Variants in LIPA observed in about 807,000 individuals in gnomAD.
The protein encoded by LIPA is lysosomal acid lipase/cholesteryl ester hydrolase.
Under a neutral mutation model 40.6 loss-of-function variants are expected in LIPA, and 26 were observed. That is an observed-to-expected ratio of 0.64 (90% CI 0.47 to 0.89). LIPA has a LOEUF of 0.89. Ranked by LOEUF, LIPA falls within the 40% of genes least tolerant of loss-of-function variation. The pLI is 0.00. For missense variants in LIPA, 455 were observed against 479.6 expected, an observed-to-expected ratio of 0.95 and a Z score of 0.48; for synonymous variants, 188 against 168.4, an observed-to-expected ratio of 1.12 and a Z score of -0.90.
rs577045975 is a variant in LIPA, at chr10:89,365,715, C to G, written c.61+47076G>C. On this transcript the variant is annotated intron_variant, in intron 2 of 8. Coordinates refer to the LIPA transcript ENST00000371837. ...CCATTTATTAAATAGGGAATCCTTT[C>G]CCCATTGCTTGTTTTTGTCAGGTTT... Among the ~76,000 whole-genome samples the G allele has an allele frequency of 2.6e-5, 4 of 152,250 alleles. No individual in the cohort carries two copies. The East Asian group carries it at 7.7e-4, about 29-fold the overall frequency.
At chr10:89,268,432 A>C (rs1295895633) in intron 1 of LIPA, among the ~76,000 whole-genome samples, 1 of 152,208 alleles carries the variant, frequency 6.6e-6, no homozygotes, top group Non-Finnish European at 1.5e-5. Flanking sequence ...TTTTTTTTAT[A>C]AATCCAATTT....
intron 1 of LIPA, among the ~76,000 whole-genome samples, chr10:89,323,545 C>T (rs1457149226): frequency 3.3e-5 from 5 of 151,966 alleles, no homozygotes; most frequent in Admixed American, 1.3e-4. Flanking sequence ...CCCCACGTCT[C>T]TACCCAAAAG....
chr10:89,232,469 T>A (rs1349459856), intron 3 of LIPA, among the ~76,000 whole-genome samples: 1 of 152,204 alleles, frequency 6.6e-6, no homozygotes, highest in South Asian at 2.1e-4. Context: ...GAAGGCTCGG[T>A]AGGTGGCCTA....
chr10:89,384,303 A>G (rs187433991), intron 2 of LIPA: 3 of 1,614,232 alleles, frequency 1.9e-6, no homozygotes, highest in South Asian at 1.1e-5. Flanking sequence ...GCAAATTTGA[A>G]AAGACTATAA....
intron 2 of LIPA, among the ~76,000 whole-genome samples, chr10:89,371,071 C>T (rs1296424118): frequency 5.9e-5 from 9 of 152,184 alleles, no homozygotes; most frequent in Admixed American, 1.3e-4. Flanking sequence ...CAGATGCCCC[C>T]AGGGGCAAAA....
At chr10:89,288,741 T>C (rs1843354709) in intron 1 of LIPA, among the ~76,000 whole-genome samples, 1 of 152,128 alleles carries the variant, frequency 6.6e-6, no homozygotes, top group Admixed American at 6.5e-5. Flanking sequence ...AGGCTACCAC[T>C]CTGCCCCCTC....
intron 2 of LIPA, chr10:89,378,077 G>GA: frequency 6.3e-7 from 1 of 1,597,326 alleles, no homozygotes; most frequent in South Asian, 1.1e-5. Flanking sequence ...GATGAACCTT[G>GA]AAGGAGCCTC....
upstream of LIPA, chr10:89,414,650 GC>G (rs1023372256): frequency 1.6e-5 from 12 of 766,402 alleles, no homozygotes; most frequent in African/African-American, 2.0e-4. Flanking sequence ...ACAAAGACAC[GC>G]CGCGCGGCCG....
At chr10:89,345,464 G>A (rs1181588562), upstream of LIPA, among the ~76,000 whole-genome samples, 2 of 151,996 alleles carry the variant, frequency 1.3e-5, no homozygotes, top group Non-Finnish European at 2.9e-5. Flanking sequence ...AAGAGACAGA[G>A]GTTGCAGTGA....
chr10:89,358,853 T>A (rs951032565), intron 2 of LIPA, among the ~76,000 whole-genome samples: 6 of 152,160 alleles, frequency 3.9e-5, no homozygotes, highest in Non-Finnish European at 7.4e-5. Context: ...TAATTTCTAG[T>A]GTTCGATAGT....
At chr10:89,257,177 CA>C (rs1843185697) in intron 1 of LIPA, among the ~76,000 whole-genome samples, 1 of 152,180 alleles carries the variant, frequency 6.6e-6, no homozygotes. Context: ...ATTTTCTGTG[CA>C]AGACTGCATT....
chr10:89,394,583 T>A (rs1432263946), intron 2 of LIPA, among the ~76,000 whole-genome samples: 2 of 18,118 alleles, frequency 1.1e-4, no homozygotes, highest in African/African-American at 6.4e-4. Flanking sequence ...GGAAAATATA[T>A]ATATATATAT....
intron 2 of LIPA, among the ~76,000 whole-genome samples, chr10:89,351,695 G>A (rs1335964131): frequency 2.6e-5 from 4 of 152,204 alleles, no homozygotes; most frequent in Non-Finnish European, 4.4e-5. Flanking sequence ...AGATACTTTA[G>A]AGTCAGAGAG....
intron 3 of LIPA, among the ~76,000 whole-genome samples, chr10:89,238,819 G>A (rs1020966964): frequency 3.3e-5 from 5 of 152,086 alleles, no homozygotes; most frequent in African/African-American, 4.8e-5. Flanking sequence ...GGCTATGTAC[G>A]TTACAGGTAA....
At chr10:89,339,546 A>C (rs1843816012) in intron 1 of LIPA, 8 of 1,614,160 alleles carry the variant, frequency 5.0e-6, no homozygotes, top group Non-Finnish European at 6.8e-6. Flanking sequence ...ATACAGGAGA[A>C]TCTGAAGCTA....
chr10:89,398,035 T>G (rs1844370043), intron 2 of LIPA, among the ~76,000 whole-genome samples: 1 of 152,226 alleles, frequency 6.6e-6, no homozygotes, highest in African/African-American at 2.4e-5. Context: ...TTCATCTTCC[T>G]AAACTGAAAT....
chr10:89,384,151 A>G, intron 2 of LIPA: 1 of 1,614,212 alleles, frequency 6.2e-7, no homozygotes, highest in Non-Finnish European at 8.5e-7. Flanking sequence ...GGCCTTGGAG[A>G]CAACACCCAC....
chr10:89,285,305 C>G (rs1284075551), intron 1 of LIPA: 1 of 152,600 alleles, frequency 6.6e-6, no homozygotes, highest in Admixed American at 6.5e-5. Flanking sequence ...ATCTCTCTCA[C>G]TATCCCTCAA....
At chr10:89,287,290 T>G (rs1308437953) in intron 1 of LIPA, among the ~76,000 whole-genome samples, 1 of 152,208 alleles carries the variant, frequency 6.6e-6, no homozygotes, top group Non-Finnish European at 1.5e-5. Context: ...CACTCTGCAT[T>G]ACCTTCTTTT....
Sources: gnomAD v4.1 joint callset for allele counts (sites outside exome capture counted in the v4.1 genomes callset) on GRCh38, gnomAD v4.1.1 for gene constraint, MANE v1.5 for transcripts, NCBI Gene and HGNC (gene_info 2026-07-23, HGNC 2026-07-21) for gene names.